Variants in ENOX1 observed in about 807,000 individuals in gnomAD.
The protein encoded by ENOX1 is ecto-NOX disulfide-thiol exchanger 1, also known as candidate growth-related and time keeping constitutive hydroquinone (NADH) oxidase.
In ENOX1, 42 loss-of-function variants were observed where a neutral mutation model predicts 82.5. The observed-to-expected ratio is 0.51, with a 90% CI of 0.40 to 0.66. ENOX1 has a LOEUF of 0.66. Ranked by LOEUF, ENOX1 falls within the 30% of genes least tolerant of loss-of-function variation. The pLI is 0.00. For synonymous variants in ENOX1, 271 were observed against 282.2 expected (o/e 0.96, Z 0.40); for missense variants, 608 against 811.6 (o/e 0.75, Z 3.05).
chr13:43,224,231 A>C (rs2041927317), intron 15 of ENOX1, 93 bp from the exon 16 acceptor site: 2 of 1,006,916 alleles, frequency 2.0e-6, no homozygotes, highest in Non-Finnish European at 1.5e-6. Context: ...CTATTTTGTC[A>C]GGCTGAGTTA....
At position 43,563,160 on chromosome 13, in the gene ENOX1, T is replaced by A. The variant is rs1051394933; in HGVS notation, c.-218-79008A>T. Among the ~76,000 whole-genome samples the A allele has an allele frequency of 7.9e-5, 12 of 152,040 alleles. No individual in the cohort carries two copies. The East Asian group carries it at 9.6e-4, about 12-fold the overall frequency. ...GCCACAAAACAAGTCTGGAAATTTT[T>A]TAAAAAAAATAAAATCACATCAAGT... is the stretch of plus-strand genomic sequence containing the variant. On this transcript the variant is annotated intron_variant, in intron 2 of 16. Coordinates refer to ENST00000690772, the MANE Select transcript of ENOX1 (RefSeq NM_001347969.2).
At chr13:43,499,050 T>A (rs2076888946) in intron 2 of ENOX1, among the ~76,000 whole-genome samples, 3 of 152,148 alleles carry the variant, frequency 2.0e-5, no homozygotes, top group African/African-American at 7.2e-5. Context: ...ACTTTACCAC[T>A]GTGGTATTTT....
chr13:43,337,394 A>G (rs1280401074), intron 9 of ENOX1, among the ~76,000 whole-genome samples: 2 of 152,212 alleles, frequency 1.3e-5, no homozygotes, highest in Admixed American at 1.3e-4. Context: ...ATGCACATAA[A>G]ATAATTAGAA....
intron 1 of ENOX1, among the ~76,000 whole-genome samples, chr13:43,769,770 A>G (rs1238592929): frequency 6.6e-6 from 1 of 152,230 alleles, no homozygotes; most frequent in Non-Finnish European, 1.5e-5. Flanking sequence ...ATTAACCTCA[A>G]ATGATGTCAG....
chr13:43,770,686 T>TAC (rs149111203), intron 1 of ENOX1, among the ~76,000 whole-genome samples: 68,730 of 146,116 alleles, frequency 0.47, 18,108 homozygotes, highest in Non-Finnish European at 0.63. Flanking sequence ...TACGTATGTG[T>TAC]ACACACACAC....
intron 3 of ENOX1, among the ~76,000 whole-genome samples, chr13:43,466,529 C>CT (rs1276998065): frequency 2.0e-5 from 3 of 152,112 alleles, no homozygotes; most frequent in African/African-American, 7.2e-5. Flanking sequence ...AGGAACAAAA[C>CT]TTTCTGAATG....
At chr13:43,605,494 A>T (rs182149306) in intron 2 of ENOX1, among the ~76,000 whole-genome samples, 8 of 152,320 alleles carry the variant, frequency 5.3e-5, no homozygotes, top group Admixed American at 5.2e-4. Flanking sequence ...GAGAACCCAG[A>T]AACAAATCCA....
At position 43,650,007 on chromosome 13, in the gene ENOX1, A is replaced by C. The variant is rs1364326180; in HGVS notation, c.-219+17472T>G. ...CTTTTCCTCTGCTCCACATGCCTTC[A>C]TCACTCTGCCATCCACCAGTCACCA... On this transcript the variant is annotated intron_variant, in intron 2 of 16. Transcript: ENST00000690772. Among the ~76,000 whole-genome samples, 2 of 152,146 alleles carry C rather than the reference A, an allele frequency of 1.3e-5. 1 individual carries two copies. The highest frequency in any genetic ancestry group is 6.3e-3 in the Middle Eastern group (2 of 316).
chr13:43,698,709 C>A (rs977776604), intron 1 of ENOX1, among the ~76,000 whole-genome samples: 3 of 152,052 alleles, frequency 2.0e-5, no homozygotes, highest in Non-Finnish European at 4.4e-5. Context: ...GCACTTTTCA[C>A]AAAATTATAA....
chr13:43,743,522 C>T (rs1468963674), intron 1 of ENOX1, among the ~76,000 whole-genome samples: 5 of 152,158 alleles, frequency 3.3e-5, no homozygotes, highest in Non-Finnish European at 7.4e-5. Context: ...TCTAGTAAAG[C>T]CTCTTGAGAA....
intron 2 of ENOX1, among the ~76,000 whole-genome samples, chr13:43,600,343 A>G (rs1002886743): frequency 1.3e-5 from 2 of 152,078 alleles, no homozygotes; most frequent in Non-Finnish European, 2.9e-5. Context: ...TATCCACCAC[A>G]AGTTGAACGA....
chr13:43,540,037 T>A (rs2078640468), intron 2 of ENOX1, among the ~76,000 whole-genome samples: 1 of 152,182 alleles, frequency 6.6e-6, no homozygotes, highest in Non-Finnish European at 1.5e-5. Flanking sequence ...TTCAACCTTT[T>A]TACACACTCA....
chr13:43,565,368 C>T (rs140670798), intron 2 of ENOX1, among the ~76,000 whole-genome samples: 2 of 152,172 alleles, frequency 1.3e-5, no homozygotes, highest in Admixed American at 6.5e-5. Flanking sequence ...GTCAAGCACA[C>T]ATTTCTCCCT....
At chr13:43,658,386 G>A (rs930525108) in intron 2 of ENOX1, among the ~76,000 whole-genome samples, 4 of 152,142 alleles carry the variant, frequency 2.6e-5, no homozygotes, top group African/African-American at 7.2e-5. Context: ...TGAGGAAGAT[G>A]AGGGTTAGGT....
chr13:43,786,141 G>C lies in ENOX1; in HGVS notation c.-285+511C>G, dbSNP rs918004249. On this transcript the variant is annotated intron_variant, in intron 1 of 16. Coordinates refer to ENST00000690772, the MANE Select transcript of ENOX1 (RefSeq NM_001347969.2). The surrounding 1 kb of genome is among the most constrained non-coding windows in gnomAD (Gnocchi z 6.0). ...GACTAGGCGGGGAGGAAAGTTTCCG[G>C]CCCGCAGCAGAGCGGAGTCCGCCAA... Among the ~76,000 whole-genome samples the C allele has an allele frequency of 1.3e-5, 2 of 152,202 alleles. No homozygotes were observed. Among genetic ancestry groups the C allele is most frequent in the East Asian group, 1.9e-4 (1 of 5,174 alleles).
rs567352242 is a variant in ENOX1, at chr13:43,629,114, C to T, written c.-219+38365G>A. On this transcript the variant is annotated intron_variant, in intron 2 of 16. Transcript: ENST00000690772. Reference sequence around the variant, plus strand: ...CAACCAGCAGGGATGAAAGTCCTCGCTCCCTACTTTGTCTCTGATATTACC... The same window carrying T: ...CAACCAGCAGGGATGAAAGTCCTCGTTCCCTACTTTGTCTCTGATATTACC... Among the ~76,000 whole-genome samples, 9 of 152,286 alleles carry T rather than the reference C, an allele frequency of 5.9e-5. No individual in the cohort carries two copies. The East Asian group carries it at 1.7e-3, about 29-fold the overall frequency.
chr13:43,496,101 T>A (rs1055165213), intron 2 of ENOX1, among the ~76,000 whole-genome samples: 2 of 152,268 alleles, frequency 1.3e-5, no homozygotes, highest in East Asian at 3.9e-4. Context: ...ACTATTAATA[T>A]TTGCCCTTTC....
intron 2 of ENOX1, among the ~76,000 whole-genome samples, chr13:43,562,916 C>T (rs1182370775): frequency 6.6e-6 from 1 of 152,080 alleles, no homozygotes; most frequent in Non-Finnish European, 1.5e-5. Flanking sequence ...AAGAGAGAGA[C>T]AGACCACAAT....
chr13:43,676,273 T>C (rs1298240743), intron 1 of ENOX1, among the ~76,000 whole-genome samples: 1 of 152,196 alleles, frequency 6.6e-6, no homozygotes, highest in Non-Finnish European at 1.5e-5. Flanking sequence ...CTTTGTAACA[T>C]TATTTAAAGG....
Sources: gnomAD v4.1 joint callset for allele counts (sites outside exome capture counted in the v4.1 genomes callset) on GRCh38, gnomAD v4.1.1 for gene constraint, Gnocchi (gnomAD v3.1) non-coding constraint, MANE v1.5 for transcripts, NCBI Gene and HGNC (gene_info 2026-07-23, HGNC 2026-07-21) for gene names.